Variants in CCDC158 observed in about 807,000 individuals in gnomAD.
The protein encoded by CCDC158 is coiled-coil domain containing 158.
Under a neutral mutation model 138.6 loss-of-function variants are expected in CCDC158, and 116 were observed. That is an observed-to-expected ratio of 0.84 (90% CI 0.72 to 0.98). The LOEUF is 0.98. Ranked by LOEUF, CCDC158 falls within the 50% of genes least tolerant of loss-of-function variation. The probability of loss-of-function intolerance (pLI) is 0.00; values close to 1 mark genes in which losing one functional copy is unlikely to be tolerated. For missense variants in CCDC158, 1,265 were observed against 1,306.1 expected (o/e 0.97, Z 0.48); for synonymous variants, 436 against 442.4 (o/e 0.99, Z 0.18).
intron 24 of CCDC158, among the ~76,000 whole-genome samples, chr4:76,317,310 C>T (rs1299057151): frequency 2.6e-5 from 4 of 151,974 alleles, no homozygotes; most frequent in Non-Finnish European, 5.9e-5. Flanking sequence ...AAATGGATAC[C>T]ACAAACGAAC....
At chr4:76,421,360 C>G (rs558956282), upstream of CCDC158, among the ~76,000 whole-genome samples, 399 of 152,210 alleles carry the variant, frequency 2.6e-3, 2 homozygotes, top group African/African-American at 8.6e-3. Flanking sequence ...TCCCCACCAC[C>G]GCCCGGGCGC....
rs145036734 is a variant in CCDC158 at position 76,332,434 on chromosome 4, A to G, written c.2880T>C (p.His960=). The G allele has an allele frequency of 1.2e-6, 2 of 1,608,336 alleles. No individual in the cohort carries two copies. Among genetic ancestry groups the G allele is most frequent in the South Asian group, 1.1e-5 (1 of 90,448 alleles). Residue 960 remains histidine (H), a splice_region_variant and synonymous_variant, in exon 20 of 25, where the codon CAT becomes CAC. Coordinates refer to ENST00000682701, the MANE Select transcript of CCDC158 (RefSeq NM_001394954.1). ...TCAGAATCTCAGATTCTTCTTACCT[A>G]TGGCACATGTCTGATCTCAGGCTGG... ...TESSLRSDMC[H]RSNNSLRDST...
intron 9 of CCDC158, among the ~76,000 whole-genome samples, chr4:76,376,251 A>G (rs1218143365): frequency 6.6e-6 from 1 of 152,036 alleles, no homozygotes; most frequent in Non-Finnish European, 1.5e-5. Context: ...TTTTGTAGAG[A>G]CAGAGTCCCA....
At chr4:76,383,374 A>G (rs1302005534) in intron 7 of CCDC158, among the ~76,000 whole-genome samples, 1 of 151,830 alleles carries the variant, frequency 6.6e-6, no homozygotes, top group Admixed American at 6.6e-5. Context: ...CCCCCTCACC[A>G]TGCCCCCTGG....
intron 3 of CCDC158, among the ~76,000 whole-genome samples, chr4:76,397,783 T>C (rs953275844): frequency 7.9e-5 from 12 of 152,222 alleles, no homozygotes; most frequent in Non-Finnish European, 2.9e-5. Context: ...TTCCAAGCTT[T>C]AGCCACTGAA....
At chr4:76,335,622 T>G (rs1390309999) in intron 18 of CCDC158, among the ~76,000 whole-genome samples, 1 of 152,118 alleles carries the variant, frequency 6.6e-6, no homozygotes, top group African/African-American at 2.4e-5. Flanking sequence ...CTCTGTCACC[T>G]AGGCTGGAAT....
chr4:76,369,697 A>G (rs1725055898), intron 10 of CCDC158, 74 bp from the exon 11 acceptor site: 2 of 1,326,118 alleles, frequency 1.5e-6, no homozygotes, highest in South Asian at 1.4e-5. Context: ...TCTTTATATC[A>G]TATTTGGAGT....
chr4:76,347,805 A>T (rs1054518393), intron 18 of CCDC158, among the ~76,000 whole-genome samples: 1 of 152,228 alleles, frequency 6.6e-6, no homozygotes, highest in Non-Finnish European at 1.5e-5. Flanking sequence ...TTAAAGAGGA[A>T]GCAAAGAGAC....
intron 16 of CCDC158, chr4:76,352,622 C>T (rs1723161159): frequency 2.0e-5 from 3 of 152,194 alleles, no homozygotes. Context: ...AGATTTATTT[C>T]TCTACAATAA....
At chr4:76,400,132 T>C (rs184894735) in intron 3 of CCDC158, among the ~76,000 whole-genome samples, 18 of 151,976 alleles carry the variant, frequency 1.2e-4, no homozygotes, top group African/African-American at 3.6e-4. Flanking sequence ...CTATTCACAA[T>C]AGCAAAGACT....
Position 76,403,225 on chromosome 4 carries a change from C to T in CCDC158, c.-18G>A, listed in dbSNP as rs1474369953. The T allele has an allele frequency of 6.5e-7, 1 of 1,531,036 alleles. No individual in the cohort carries two copies. Among genetic ancestry groups the T allele is most frequent in the Non-Finnish European group, 9.0e-7 (1 of 1,114,114 alleles). 94.8% of individuals were successfully genotyped at this position (1,531,036 alleles called of 1,614,324 possible). On this transcript the variant is annotated 5_prime_UTR_variant, in exon 3 of 25. Coordinates refer to ENST00000682701, the MANE Select transcript of CCDC158 (RefSeq NM_001394954.1). ...GATTCCATATTAAATATTGCTACTT[C>T]TTATTAGAGATCTTGAAGTATGAAT...
intron 1 of CCDC158, among the ~76,000 whole-genome samples, chr4:76,416,506 C>G (rs1729711490): frequency 6.6e-6 from 1 of 152,048 alleles, no homozygotes; most frequent in East Asian, 1.9e-4. Flanking sequence ...ATGTCAGAGA[C>G]CTTCATGGCA....
intron 3 of CCDC158, among the ~76,000 whole-genome samples, chr4:76,401,910 G>T (rs1408801848): frequency 2.6e-5 from 4 of 152,116 alleles, no homozygotes; most frequent in Non-Finnish European, 5.9e-5. Flanking sequence ...GGGGAGATGG[G>T]TGTGGTAAGG....
chr4:76,385,069 T>C (rs766748796), intron 4 of CCDC158, among the ~76,000 whole-genome samples: 1 of 152,184 alleles, frequency 6.6e-6, no homozygotes, highest in Non-Finnish European at 1.5e-5. Flanking sequence ...CCAGGTGTCC[T>C]ACTACAGAGA....
chr4:76,342,293 G>A (rs893148798), intron 18 of CCDC158, among the ~76,000 whole-genome samples: 2 of 152,142 alleles, frequency 1.3e-5, no homozygotes, highest in Non-Finnish European at 2.9e-5. Context: ...TCCAGCCTCA[G>A]TCCCTACAAA....
rs188215660 is a variant in CCDC158, at chr4:76,421,027, C to T, written c.-179G>A. Among the ~76,000 whole-genome samples the T allele has an allele frequency of 6.6e-6, 1 of 152,154 alleles. No individual in the cohort carries two copies. Among genetic ancestry groups the T allele is most frequent in the East Asian group, 2.0e-4 (1 of 5,106 alleles). On this transcript the variant is annotated 5_prime_UTR_variant, in exon 1 of 25. Transcript: ENST00000682701. ...CTCCGCGGGGCGCCGGCGGGCGCAGCGGCCCCACCTACGTCGACCTGGCGG... is the reference window on the plus strand; with the variant it reads ...CTCCGCGGGGCGCCGGCGGGCGCAGTGGCCCCACCTACGTCGACCTGGCGG...
intron 5 of CCDC158, 32 bp downstream of exon 5, chr4:76,384,524 T>G: frequency 6.3e-7 from 1 of 1,579,986 alleles, no homozygotes; most frequent in Non-Finnish European, 8.6e-7. Context: ...AATGAAAATA[T>G]GTGACTTTAA....
intron 24 of CCDC158, among the ~76,000 whole-genome samples, chr4:76,323,032 T>A (rs1398195186): frequency 6.6e-6 from 1 of 152,132 alleles, no homozygotes; most frequent in Non-Finnish European, 1.5e-5. Flanking sequence ...GACAAGCCAC[T>A]CAGAACCTCA....
chr4:76,394,355 T>G (rs1340383212), intron 4 of CCDC158, among the ~76,000 whole-genome samples: 1 of 152,164 alleles, frequency 6.6e-6, no homozygotes, highest in African/African-American at 2.4e-5. Context: ...GAGGTCATTA[T>G]GTTAAGTGAA....
Sources: gnomAD v4.1 joint callset for allele counts (sites outside exome capture counted in the v4.1 genomes callset) on GRCh38, gnomAD v4.1.1 for gene constraint, MANE v1.5 for transcripts, NCBI Gene and HGNC (gene_info 2026-07-23, HGNC 2026-07-21) for gene names.